Variants in DOCK9 observed in about 807,000 individuals in gnomAD.
DOCK9 encodes dedicator of cytokinesis 9.
Under a neutral mutation model 263.3 loss-of-function variants are expected in DOCK9, and 89 were observed. The observed-to-expected ratio is 0.34, with a 90% CI of 0.28 to 0.40. The LOEUF is 0.40. DOCK9 is among the 10% of genes least tolerant of loss of function. The pLI, the probability that DOCK9 is intolerant of heterozygous loss-of-function variation, is 1.00. For synonymous variants in DOCK9, 976 were observed against 973.1 expected (o/e 1.00, Z -0.06); for missense variants, 2,140 against 2,603.4 (o/e 0.82, Z 3.87).
intron 33 of DOCK9, 23 bp downstream of exon 33, chr13:98,860,382 C>A (rs377666096): frequency 2.4e-5 from 38 of 1,561,648 alleles, no homozygotes; most frequent in Admixed American, 3.8e-5. Flanking sequence ...TGGAGAGAAG[C>A]CCACAAGAGC....
At chr13:98,953,697 T>G (rs1313119304) in intron 2 of DOCK9, among the ~76,000 whole-genome samples, 2 of 152,260 alleles carry the variant, frequency 1.3e-5, no homozygotes, top group East Asian at 3.8e-4. Flanking sequence ...ATCATTTGAT[T>G]TTGCTTTTCA....
At chr13:98,941,651 G>C (rs1357942086) in intron 2 of DOCK9, among the ~76,000 whole-genome samples, 1 of 152,170 alleles carries the variant, frequency 6.6e-6, no homozygotes. Flanking sequence ...GAGGACAGGA[G>C]AGTTACCCAG....
chr13:98,913,637 G>C (rs564876607), intron 9 of DOCK9, among the ~76,000 whole-genome samples: 101 of 152,228 alleles, frequency 6.6e-4, no homozygotes, highest in Middle Eastern at 6.8e-3. Flanking sequence ...AATAGTGCTT[G>C]TTTCTGATTG....
At chr13:98,863,662 C>G (rs2093939580) in intron 30 of DOCK9, 114 bp from the exon 31 acceptor site, 1 of 1,122,864 alleles carries the variant, frequency 8.9e-7, no homozygotes, top group South Asian at 1.7e-5. Flanking sequence ...TCAGCCCACC[C>G]TGGGTGTCAA....
chr13:98,916,747 C>T (rs769444456), intron 7 of DOCK9, among the ~76,000 whole-genome samples: 8 of 152,240 alleles, frequency 5.3e-5, no homozygotes, highest in Non-Finnish European at 1.0e-4. Context: ...CCTGCATACT[C>T]ACAATCATGA....
rs866789106 is a variant in DOCK9 at position 98,867,507 on chromosome 13, G to A, written c.3204C>T (p.Leu1068=). ...AATGTTCATGGTTGCACACTACACG[G>A]AGAAATTCAAACTTGTATTCAAAGA... is the stretch of plus-strand genomic sequence containing the variant. ...KTLFEYKFEF[L]RVVCNHEHYI... Residue 1068 remains leucine (L), a synonymous_variant, in exon 30 of 53, where the codon CTC becomes CTT. Transcript: ENST00000682017. 2 of 1,610,996 alleles carry A rather than the reference G, an allele frequency of 1.2e-6. No homozygotes were observed. Among genetic ancestry groups the A allele is most frequent in the Non-Finnish European group, 1.7e-6 (2 of 1,178,646 alleles).
upstream of DOCK9, among the ~76,000 whole-genome samples, chr13:99,087,402 A>G (rs1320902461): frequency 6.6e-6 from 1 of 152,158 alleles, no homozygotes; most frequent in Non-Finnish European, 1.5e-5. Context: ...GAAGGGGCTC[A>G]GGTGACACGG....
intron 28 of DOCK9, 34 bp from the exon 29 acceptor site, chr13:98,868,045 G>T: frequency 6.3e-7 from 1 of 1,599,160 alleles, no homozygotes; most frequent in Non-Finnish European, 8.5e-7. Context: ...AGTTATTTCA[G>T]GTCCAAACAT....
chr13:98,949,410 TCA>T (rs2057133899), intron 2 of DOCK9, among the ~76,000 whole-genome samples: 1 of 152,150 alleles, frequency 6.6e-6, no homozygotes. Context: ...CTTGAGTTAC[TCA>T]TTCACAATAA....
rs528639561 is a variant in DOCK9, at chr13:98,801,886, C to T, written c.5726-1408G>A. Among the ~76,000 whole-genome samples, 14 of 152,314 alleles carry T rather than the reference C, an allele frequency of 9.2e-5. No homozygotes were observed. In the South Asian group the frequency reaches 2.5e-3, roughly 27 times the overall value. Reference sequence around the variant, plus strand: ...GGAAAACATGTCCACCCTGAGGCAACCTCATATGTCACGTACTTATAGGCC... The same window carrying T: ...GGAAAACATGTCCACCCTGAGGCAATCTCATATGTCACGTACTTATAGGCC... On this transcript the variant is annotated intron_variant, in intron 49 of 52. Coordinates refer to ENST00000682017, the MANE Select transcript of DOCK9 (RefSeq NM_001366683.2).
At chr13:98,848,741 T>A in intron 36 of DOCK9, 102 bp from the exon 37 acceptor site, 2 of 1,205,252 alleles carry the variant, frequency 1.7e-6, no homozygotes, top group Non-Finnish European at 2.4e-6. Context: ...ACATTATGTC[T>A]AGTACCAGCA....
chr13:99,087,670 CGCGGAGAGGGCGCGCCAG>C (rs1414532793), upstream of DOCK9: 4 of 152,388 alleles, frequency 2.6e-5, no homozygotes, highest in Admixed American at 1.3e-4. Flanking sequence ...CTCACAGGGC[CGCGGAGAGGGCGCGCCAG>C]GCGGGGATTT....
chr13:99,034,686 A>G (rs1207567739), intron 1 of DOCK9, among the ~76,000 whole-genome samples: 1 of 152,212 alleles, frequency 6.6e-6, no homozygotes, highest in African/African-American at 2.4e-5. Flanking sequence ...GTAGGCTCCA[A>G]TTTAAGGGCC....
intron 20 of DOCK9, chr13:98,885,339 C>G: frequency 1.8e-6 from 1 of 559,570 alleles, no homozygotes; most frequent in Non-Finnish European, 3.1e-6. Context: ...CATGGTGGCT[C>G]ACACCTGTAA....
chr13:98,964,142 A>G (rs1418695297), intron 1 of DOCK9, among the ~76,000 whole-genome samples: 3 of 152,342 alleles, frequency 2.0e-5, no homozygotes, highest in East Asian at 3.9e-4. Context: ...GCTGGCAGTC[A>G]GAGGGAAGGC....
chr13:98,989,078 C>T (rs1879137925), intron 1 of DOCK9, among the ~76,000 whole-genome samples: 1 of 152,104 alleles, frequency 6.6e-6, no homozygotes, highest in Non-Finnish European at 1.5e-5. Flanking sequence ...CTCATGTCTC[C>T]AGAAATGCTG....
chr13:99,046,324 G>A (rs2040430792), intron 1 of DOCK9, among the ~76,000 whole-genome samples: 1 of 152,326 alleles, frequency 6.6e-6, no homozygotes, highest in East Asian at 1.9e-4. Context: ...GCTTTGAGTA[G>A]GAGGATCCTT....
chr13:98,898,521 G>A (rs1283602847), intron 13 of DOCK9, among the ~76,000 whole-genome samples: 1 of 152,066 alleles, frequency 6.6e-6, no homozygotes, highest in Non-Finnish European at 1.5e-5. Flanking sequence ...GGTCTTTACG[G>A]GCAACAAACA....
chr13:98,955,640 G>A (rs1411179280), intron 1 of DOCK9, 89 bp from the exon 2 acceptor site: 3 of 872,782 alleles, frequency 3.4e-6, no homozygotes, highest in East Asian at 2.7e-5. Context: ...TCTATGTTTT[G>A]TATTTTCTAC....
Sources: allele counts gnomAD v4.1 joint callset (sites outside exome capture counted in the v4.1 genomes callset), GRCh38; gene constraint gnomAD v4.1.1; transcripts MANE v1.5; gene names NCBI Gene and HGNC (gene_info 2026-07-23, HGNC 2026-07-21).